Variants in NR2C1 observed in about 807,000 individuals in gnomAD.
NR2C1 encodes TR2 nuclear hormone receptor.
In NR2C1, 33 loss-of-function variants were observed where a neutral mutation model predicts 74.8. That is an observed-to-expected ratio of 0.44 (90% CI 0.33 to 0.59). The LOEUF (loss-of-function observed/expected upper bound fraction) is 0.59, where lower values mean the gene tolerates loss of function less well. Ranked by LOEUF, NR2C1 falls within the 20% of genes least tolerant of loss-of-function variation. NR2C1 has a pLI of 0.02. For missense variants in NR2C1, 568 were observed against 715.6 expected, an observed-to-expected ratio of 0.79 and a Z score of 2.35; for synonymous variants, 225 against 240.6, an observed-to-expected ratio of 0.94 and a Z score of 0.60.
intron 9 of NR2C1, among the ~76,000 whole-genome samples, chr12:95,048,760 G>C (rs1438899677): frequency 2.0e-5 from 3 of 151,984 alleles, no homozygotes; most frequent in African/African-American, 7.2e-5. Context: ...GAGTAGCTGG[G>C]ATTACAGGCA....
At chr12:95,022,786 T>C (rs1262237717) in intron 13 of NR2C1, among the ~76,000 whole-genome samples, 2 of 151,752 alleles carry the variant, frequency 1.3e-5, no homozygotes, top group African/African-American at 4.8e-5. Flanking sequence ...CTCAATTCCT[T>C]GGACTCAAGT....
intron 1 of NR2C1, among the ~76,000 whole-genome samples, chr12:95,068,272 T>C (rs1215505734): frequency 1.3e-5 from 2 of 152,218 alleles, no homozygotes; most frequent in African/African-American, 2.4e-5. Flanking sequence ...TGGATTACGG[T>C]ACACTCTAAT....
intron 11 of NR2C1, among the ~76,000 whole-genome samples, chr12:95,030,063 G>A (rs924462142): frequency 2.6e-5 from 4 of 152,046 alleles, no homozygotes; most frequent in African/African-American, 7.3e-5. Context: ...TTCTGTAGAG[G>A]TGGGGTACCA....
At chr12:95,043,368 A>C (rs975894329) in intron 9 of NR2C1, among the ~76,000 whole-genome samples, 5 of 152,184 alleles carry the variant, frequency 3.3e-5, no homozygotes, top group Middle Eastern at 3.4e-3. Context: ...GGGAAGGGGC[A>C]AGTAAGATGC....
At chr12:95,039,164 G>C (rs1400251670) in intron 10 of NR2C1, among the ~76,000 whole-genome samples, 2 of 152,050 alleles carry the variant, frequency 1.3e-5, no homozygotes, top group African/African-American at 4.8e-5. Context: ...TCCTAAATCA[G>C]GCTTTTAGTC....
rs540818659 is a variant in NR2C1, at chr12:95,056,605, T to C, written c.783+948A>G. Among the ~76,000 whole-genome samples, 95 of 152,128 alleles carry C rather than the reference T, an allele frequency of 6.2e-4. 1 individual carries two copies. The highest frequency in any genetic ancestry group is 2.2e-3 in the African/African-American group (92 of 41,456). On this transcript the variant is annotated intron_variant, in intron 7 of 13. Coordinates refer to ENST00000333003, the MANE Select transcript of NR2C1 (RefSeq NM_003297.4). The stretch of plus-strand genomic sequence containing the variant: ...TGAAATATTTTAAGTATTTTGGCAC[T>C]AAAAAATAAAAAAAGTATTTTGGCA...
chr12:95,047,140 C>G (rs899344827), intron 9 of NR2C1, among the ~76,000 whole-genome samples: 2 of 152,160 alleles, frequency 1.3e-5, no homozygotes, highest in South Asian at 2.1e-4. Context: ...GGGTCCTGTT[C>G]CTACATCTGT....
Position 95,022,108 on chromosome 12 carries a change from C to G in NR2C1, c.*121G>C. ...TTAAGGGAAGCTAAAATAAAAATAC[C>G]TTGGATTCTGGTTACTTTTTAAAGT... On this transcript the variant is annotated 3_prime_UTR_variant, in exon 14 of 14. Transcript: ENST00000333003. The G allele has an allele frequency of 1.4e-6, 1 of 708,378 alleles. No homozygotes were observed. The highest frequency in any genetic ancestry group is 3.1e-4 in the Middle Eastern group (1 of 3,200). 43.9% of individuals were successfully genotyped at this position (708,378 alleles called of 1,614,324 possible).
chr12:95,035,065 A>G lies in NR2C1; in HGVS notation c.1254-3577T>C, dbSNP rs562498152. On this transcript the variant is annotated intron_variant, in intron 10 of 13. Transcript: ENST00000333003. ...CCAAATGTCTACTAATAAGGAATGA[A>G]TAAGTGCATAAAATGGAATACTATA... 3.9e-5 allele frequency among the ~76,000 whole-genome samples: 6 copies of G among 152,238 alleles called. No individual in the cohort carries two copies. In the South Asian group the frequency reaches 6.2e-4, roughly 16 times the overall value.
At chr12:95,043,791 A>C (rs1182432625) in intron 9 of NR2C1, among the ~76,000 whole-genome samples, 1 of 152,178 alleles carries the variant, frequency 6.6e-6, no homozygotes, top group African/African-American at 2.4e-5. Context: ...TTTGCTTTAC[A>C]CAACAGTGGT....
chr12:95,045,844 TC>T (rs1234685644), intron 9 of NR2C1, among the ~76,000 whole-genome samples: 1 of 152,088 alleles, frequency 6.6e-6, no homozygotes, highest in African/African-American at 2.4e-5. Flanking sequence ...AAAATCTTTT[TC>T]TTTTTTTTTG....
intron 2 of NR2C1, chr12:95,067,061 C>CAGT: frequency 2.0e-6 from 1 of 501,672 alleles, no homozygotes; most frequent in South Asian, 2.5e-5. Context: ...ACTCACTCTA[C>CAGT]AGCTCTTTAA....
intron 11 of NR2C1, among the ~76,000 whole-genome samples, chr12:95,029,774 GTCT>G (rs2136099398): frequency 6.6e-6 from 1 of 152,190 alleles, no homozygotes; most frequent in African/African-American, 2.4e-5. Context: ...TGCCGGGCTG[GTCT>G]TGAACTCCTG....
At chr12:95,030,866 C>T (rs1870009650) in intron 11 of NR2C1, 1 of 1,612,794 alleles carries the variant, frequency 6.2e-7, no homozygotes, top group Non-Finnish European at 8.5e-7. Flanking sequence ...CTGCAATTAC[C>T]TTGGCATCTA....
At chr12:95,043,862 C>CT (rs1871939497) in intron 9 of NR2C1, among the ~76,000 whole-genome samples, 1 of 152,064 alleles carries the variant, frequency 6.6e-6, no homozygotes, top group Non-Finnish European at 1.5e-5. Flanking sequence ...ACAACACACA[C>CT]TAAAGGGACT....
At position 95,048,234 on chromosome 12, in the gene NR2C1, T is replaced by G. The variant is rs771114647; in HGVS notation, c.1131+834A>C. Among the ~76,000 whole-genome samples the G allele has an allele frequency of 4.6e-5, 7 of 152,246 alleles. No homozygotes were observed. In the South Asian group the frequency reaches 6.2e-4, roughly 14 times the overall value. ...AGCAGCTGCACCTGGCCAATTTGTA[T>G]CTTATAATAATGCTGGAAGCCAGCT... On this transcript the variant is annotated intron_variant, in intron 9 of 13. Transcript: ENST00000333003.
intron 7 of NR2C1, among the ~76,000 whole-genome samples, chr12:95,056,963 A>G (rs1468004639): frequency 6.6e-6 from 1 of 151,874 alleles, no homozygotes; most frequent in Non-Finnish European, 1.5e-5. Context: ...CATCTCAAAA[A>G]AAAAAAAAAA....
At chr12:95,057,680 A>C in intron 6 of NR2C1, 37 bp from the exon 7 acceptor site, 1 of 1,612,750 alleles carries the variant, frequency 6.2e-7, no homozygotes, top group Non-Finnish European at 8.5e-7. Context: ...CCTGAGTTTC[A>C]TTGGGAAGAA....
chr12:95,071,873 G>A (rs1391615017), intron 1 of NR2C1, among the ~76,000 whole-genome samples: 7 of 150,716 alleles, frequency 4.6e-5, no homozygotes, highest in South Asian at 2.1e-4. Flanking sequence ...CTCGGCCTCC[G>A]GAGTTGCTGG....
Sources: gnomAD v4.1 joint callset for allele counts (sites outside exome capture counted in the v4.1 genomes callset) on GRCh38, gnomAD v4.1.1 for gene constraint, MANE v1.5 for transcripts, NCBI Gene and HGNC (gene_info 2026-07-23, HGNC 2026-07-21) for gene names.